KCNB2: variants seen among roughly 807,000 people sequenced by gnomAD.
KCNB2 encodes the protein potassium voltage-gated channel subfamily B member 2.
A neutral mutation model predicts 61.5 loss-of-function variants in KCNB2; 15 were observed. That is an observed-to-expected ratio of 0.24 (90% CI 0.16 to 0.38). The LOEUF is 0.38. Among genes scored for constraint, KCNB2 ranks in the 10% least tolerant of loss-of-function variants. The pLI is 1.00. For synonymous variants in KCNB2, 457 were observed against 446.0 expected (o/e 1.02, Z -0.31); for missense variants, 828 against 1,125.2 (o/e 0.74, Z 3.78).
At chr8:72,655,232 G>T (rs553416669) in intron 2 of KCNB2, among the ~76,000 whole-genome samples, 1 of 152,040 alleles carries the variant, frequency 6.6e-6, no homozygotes, top group Non-Finnish European at 1.5e-5. Context: ...ACTTATAAGT[G>T]GGAGATAAAC....
intron 2 of KCNB2, among the ~76,000 whole-genome samples, chr8:72,714,554 CA>C (rs1193684687): frequency 1.4e-4 from 22 of 152,070 alleles, no homozygotes; most frequent in African/African-American, 5.1e-4. Context: ...CATATCCAGC[CA>C]AATTAAGCTT....
intron 1 of KCNB2, among the ~76,000 whole-genome samples, chr8:72,541,087 T>A (rs911521054): frequency 6.6e-6 from 1 of 151,894 alleles, no homozygotes; most frequent in Non-Finnish European, 1.5e-5. Context: ...AATAATTTTA[T>A]ACTTAGCAAA....
chr8:72,888,088 G>T (rs1037541571), intron 2 of KCNB2, among the ~76,000 whole-genome samples: 2 of 152,208 alleles, frequency 1.3e-5, no homozygotes, highest in East Asian at 3.9e-4. Context: ...TTGATTGATT[G>T]CCAGTTTGTT....
At chr8:72,692,211 G>GGGT (rs1039816485) in intron 2 of KCNB2, among the ~76,000 whole-genome samples, 1 of 142,766 alleles carries the variant, frequency 7.0e-6, no homozygotes, top group Non-Finnish European at 1.5e-5. Flanking sequence ...ACTCCAGCCT[G>GGGT]GGTGACAGAG....
intron 2 of KCNB2, among the ~76,000 whole-genome samples, chr8:72,644,130 G>A (rs1806094625): frequency 6.6e-6 from 1 of 151,964 alleles, no homozygotes. Flanking sequence ...AGAGTTTTGT[G>A]CTGTATATGA....
Position 72,821,659 on chromosome 8 carries a change from A to ACAC in KCNB2, c.580-114276_580-114275insCAC, listed in dbSNP as rs796436534. 7.7e-3 allele frequency among the ~76,000 whole-genome samples: 901 copies of ACAC among 116,732 alleles called. 13 individuals are homozygous for ACAC. The highest frequency in any genetic ancestry group is 0.011 in the Non-Finnish European group (642 of 58,510). 76.6% of individuals were successfully genotyped at this position (116,732 alleles called of 152,430 possible). On this transcript the variant is annotated intron_variant, in intron 2 of 2. Transcript: ENST00000523207. ...AAAAAAACAAAAAAAAAAAAAAAAA[A>ACAC]ACACACACACACCAAGCCCCCACAG...
chr8:72,660,503 A>G (rs1267960766), intron 2 of KCNB2: 1 of 152,068 alleles, frequency 6.6e-6, no homozygotes, highest in Non-Finnish European at 1.5e-5. Context: ...CCTACCAAAT[A>G]CCTCATTTCC....
intron 2 of KCNB2, among the ~76,000 whole-genome samples, chr8:72,660,257 A>G (rs1294625478): frequency 1.3e-5 from 2 of 152,172 alleles, no homozygotes; most frequent in African/African-American, 2.4e-5. Context: ...GGTTGAAACT[A>G]AAGAAGGTTG....
At chr8:72,613,845 C>T (rs189857728) in intron 2 of KCNB2, among the ~76,000 whole-genome samples, 1 of 152,286 alleles carries the variant, frequency 6.6e-6, no homozygotes. Context: ...AATTCATCAC[C>T]AGAATGAAGT....
intron 1 of KCNB2, among the ~76,000 whole-genome samples, chr8:72,559,174 C>T (rs1806473044): frequency 6.6e-6 from 1 of 151,462 alleles, no homozygotes; most frequent in East Asian, 1.9e-4. Flanking sequence ...GAGATGGAGT[C>T]CCATTCTGTT....
intron 2 of KCNB2, among the ~76,000 whole-genome samples, chr8:72,774,843 T>C (rs1808619972): frequency 1.3e-5 from 2 of 152,100 alleles, no homozygotes; most frequent in Non-Finnish European, 2.9e-5. Context: ...GTGCCTCCTA[T>C]TTAGAGACCT....
intron 2 of KCNB2, among the ~76,000 whole-genome samples, chr8:72,786,221 T>G (rs191359491): frequency 3.3e-5 from 5 of 152,282 alleles, no homozygotes; most frequent in Admixed American, 2.0e-4. Context: ...TTAATATATG[T>G]GCACTCATTT....
intron 2 of KCNB2, among the ~76,000 whole-genome samples, chr8:72,845,903 A>G (rs10111540): frequency 0.85 from 129,520 of 151,850 alleles, 56,212 homozygotes; most frequent in Middle Eastern, 0.97. Flanking sequence ...CACTGAGCTA[A>G]ACCACTTGGT....
chr8:72,846,785 T>C (rs1414523152), intron 2 of KCNB2, among the ~76,000 whole-genome samples: 1 of 151,990 alleles, frequency 6.6e-6, no homozygotes, highest in African/African-American at 2.4e-5. Context: ...TGTGGAGAAA[T>C]AGGAATGCTT....
chr8:72,918,202 G>A (rs935452924), intron 2 of KCNB2, among the ~76,000 whole-genome samples: 3 of 152,134 alleles, frequency 2.0e-5, no homozygotes, highest in African/African-American at 7.2e-5. Flanking sequence ...TCATTAGGAT[G>A]AGAACTTTAA....
At chr8:72,904,813 C>A (rs1279209175) in intron 2 of KCNB2, among the ~76,000 whole-genome samples, 1 of 151,976 alleles carries the variant, frequency 6.6e-6, no homozygotes, top group Non-Finnish European at 1.5e-5. Context: ...TCAAATGCCT[C>A]CCCACCCCTC....
chr8:72,918,860 G>A (rs559512166), intron 2 of KCNB2, among the ~76,000 whole-genome samples: 1 of 152,208 alleles, frequency 6.6e-6, no homozygotes, highest in East Asian at 1.9e-4. Flanking sequence ...GCCTGTTTTA[G>A]GAGGTCAAAT....
At chr8:72,578,517 T>C (rs1806839908) in intron 2 of KCNB2, among the ~76,000 whole-genome samples, 1 of 152,180 alleles carries the variant, frequency 6.6e-6, no homozygotes, top group Non-Finnish European at 1.5e-5. Context: ...TTATGAGTAA[T>C]ATTAAAATTC....
At chr8:72,927,873 C>G (rs192693302) in intron 2 of KCNB2, among the ~76,000 whole-genome samples, 293 of 152,270 alleles carry the variant, frequency 1.9e-3, no homozygotes, top group African/African-American at 5.7e-3. Flanking sequence ...GGCTTCAAAG[C>G]CTTTGCCCAC....
Sources: allele counts gnomAD v4.1 joint callset (sites outside exome capture counted in the v4.1 genomes callset), GRCh38; gene constraint gnomAD v4.1.1; transcripts MANE v1.5; gene names NCBI Gene and HGNC (gene_info 2026-07-23, HGNC 2026-07-21).